LRMDA: variants seen among roughly 807,000 people sequenced by gnomAD.
The protein encoded by LRMDA is leucine rich melanocyte differentiation associated, also known as leucine-rich melanocyte differentiation-associated protein.
In LRMDA, 18 loss-of-function variants were observed where a neutral mutation model predicts 29.8. That is an observed-to-expected ratio of 0.60 (90% CI 0.42 to 0.90). The LOEUF (loss-of-function observed/expected upper bound fraction) is 0.90. LRMDA is among the 40% of genes least tolerant of loss of function. The pLI is 0.00. For missense variants in LRMDA, 273 were observed against 273.9 expected (o/e 1.00, Z 0.02); for synonymous variants, 125 against 109.4 (o/e 1.14, Z -0.89).
chr10:75,886,443 G>A (rs1186423106), intron 2 of LRMDA, among the ~76,000 whole-genome samples: 1 of 152,110 alleles, frequency 6.6e-6, no homozygotes, highest in Admixed American at 6.5e-5. Context: ...AAAGAAACTA[G>A]GTGAAATCCT....
intron 2 of LRMDA, among the ~76,000 whole-genome samples, chr10:75,634,147 A>G (rs1841361555): frequency 6.6e-6 from 1 of 152,234 alleles, no homozygotes; most frequent in African/African-American, 2.4e-5. Flanking sequence ...TTAACACGAT[A>G]CAGACTCTTT....
At chr10:76,187,502 G>A (rs1189136963) in intron 5 of LRMDA, among the ~76,000 whole-genome samples, 2 of 152,142 alleles carry the variant, frequency 1.3e-5, no homozygotes, top group Non-Finnish European at 2.9e-5. Flanking sequence ...AACCAGCTGT[G>A]TAGCTTCAAG....
intron 2 of LRMDA, among the ~76,000 whole-genome samples, chr10:75,862,313 T>G (rs555037934): frequency 6.6e-6 from 1 of 152,256 alleles, no homozygotes; most frequent in South Asian, 2.1e-4. Context: ...GGAAATACTT[T>G]TATTTACTTC....
intron 6 of LRMDA, among the ~76,000 whole-genome samples, chr10:76,445,093 T>C (rs1842341525): frequency 2.0e-5 from 3 of 152,164 alleles, no homozygotes; most frequent in Admixed American, 2.0e-4. Flanking sequence ...GGTCTTCCTC[T>C]CAAGGATCTA....
chr10:75,941,529 G>A (rs1846392367), intron 2 of LRMDA, among the ~76,000 whole-genome samples: 6 of 152,162 alleles, frequency 3.9e-5, no homozygotes, highest in Admixed American at 3.9e-4. Flanking sequence ...CGTTCATGGG[G>A]TTTAGGAAAG....
intron 5 of LRMDA, among the ~76,000 whole-genome samples, chr10:76,145,570 T>C (rs1388710291): frequency 6.6e-6 from 1 of 152,210 alleles, no homozygotes; most frequent in Admixed American, 6.5e-5. Context: ...GTCTATTTGA[T>C]TCTTCTCTCT....
chr10:76,258,423 TC>T (rs1839893893), intron 5 of LRMDA, among the ~76,000 whole-genome samples: 2 of 152,326 alleles, frequency 1.3e-5, no homozygotes, highest in South Asian at 4.1e-4. Context: ...AATTAGCATA[TC>T]CCTCATCGCA....
chr10:75,899,908 AGACCT>A (rs1399972910), intron 2 of LRMDA, among the ~76,000 whole-genome samples: 1 of 152,208 alleles, frequency 6.6e-6, no homozygotes, highest in African/African-American at 2.4e-5. Flanking sequence ...GTTTCTTTGA[AGACCT>A]GTCTCTATTA....
At chr10:76,078,445 G>T (rs984915796) in intron 5 of LRMDA, among the ~76,000 whole-genome samples, 6 of 152,128 alleles carry the variant, frequency 3.9e-5, no homozygotes, top group Non-Finnish European at 7.3e-5. Context: ...GGAAGGAGGA[G>T]AACCAAGATG....
At chr10:76,475,852 G>A (rs541353325) in intron 6 of LRMDA, among the ~76,000 whole-genome samples, 4 of 152,118 alleles carry the variant, frequency 2.6e-5, no homozygotes, top group East Asian at 1.9e-4. Flanking sequence ...TGAAACCAAC[G>A]AGAACAAAGA....
intron 6 of LRMDA, among the ~76,000 whole-genome samples, chr10:76,410,894 C>G (rs1444597005): frequency 6.6e-6 from 1 of 151,960 alleles, no homozygotes; most frequent in South Asian, 2.1e-4. Context: ...TGCAGTGAGC[C>G]GAGATCGCAC....
intron 6 of LRMDA, among the ~76,000 whole-genome samples, chr10:76,504,171 T>G (rs1842937957): frequency 2.0e-5 from 3 of 152,158 alleles, no homozygotes; most frequent in Middle Eastern, 3.4e-3. Context: ...TTTCCATTTT[T>G]ATTATGGTGT....
intron 6 of LRMDA, among the ~76,000 whole-genome samples, chr10:76,519,585 T>A (rs576170604): frequency 1.5e-4 from 23 of 152,342 alleles, no homozygotes; most frequent in African/African-American, 4.1e-4. Context: ...AAGATTTTTT[T>A]AAATGTTTGA....
At chr10:76,349,465 C>CAT (rs781574249) in intron 6 of LRMDA, among the ~76,000 whole-genome samples, 162 of 151,954 alleles carry the variant, frequency 1.1e-3, no homozygotes, top group Non-Finnish European at 1.7e-3. Context: ...CACATACATA[C>CAT]ATATATATAT....
At chr10:75,464,078 A>G (rs567214515) in intron 2 of LRMDA, among the ~76,000 whole-genome samples, 29 of 152,334 alleles carry the variant, frequency 1.9e-4, no homozygotes, top group Non-Finnish European at 3.7e-4. Flanking sequence ...CTGGGATTAC[A>G]GGCGTGAGCC....
chr10:76,149,361 G>A (rs1850395168), intron 5 of LRMDA, among the ~76,000 whole-genome samples: 1 of 152,198 alleles, frequency 6.6e-6, no homozygotes. Context: ...TCAGTGCCTG[G>A]TCCTAGCTCT....
At chr10:75,639,363 G>A (rs951921839) in intron 2 of LRMDA, among the ~76,000 whole-genome samples, 1 of 152,180 alleles carries the variant, frequency 6.6e-6, no homozygotes, top group Non-Finnish European at 1.5e-5. Flanking sequence ...GCAGAGGCAG[G>A]TCTGCTGGTA....
chr10:75,797,402 C>CA, intron 2 of LRMDA, among the ~76,000 whole-genome samples: 1 of 152,168 alleles, frequency 6.6e-6, no homozygotes, highest in Non-Finnish European at 1.5e-5. Context: ...ATTTGAGGTA[C>CA]AATTTGCATT....
chr10:75,447,054 A>G (rs570054992), intron 2 of LRMDA, among the ~76,000 whole-genome samples: 6 of 152,368 alleles, frequency 3.9e-5, no homozygotes, highest in Admixed American at 6.5e-5. Context: ...AGAAGAGGTG[A>G]TGGTAGAAAA....
Sources: gnomAD v4.1 joint callset for allele counts (sites outside exome capture counted in the v4.1 genomes callset) on GRCh38, gnomAD v4.1.1 for gene constraint, MANE v1.5 for transcripts, NCBI Gene and HGNC (gene_info 2026-07-23, HGNC 2026-07-21) for gene names.